The following THRSP variants were observed in gnomAD, a reference collection of about 807,000 sequenced individuals.
THRSP encodes the protein thyroid hormone responsive.
A neutral mutation model predicts 11.1 loss-of-function variants in THRSP; 9 were observed. That is an observed-to-expected ratio of 0.81 (90% CI 0.49 to 1.42). THRSP has a LOEUF of 1.42. Among genes scored for constraint, THRSP ranks in the 40% most tolerant of loss-of-function variants. THRSP has a pLI of 0.00. For missense variants in THRSP, 177 were observed against 188.2 expected (o/e 0.94, Z 0.35); for synonymous variants, 73 against 78.1 (o/e 0.94, Z 0.34).
intron 1 of THRSP, among the ~76,000 whole-genome samples, chr11:78,066,241 C>G (rs756290606): frequency 6.6e-6 from 1 of 152,204 alleles, no homozygotes; most frequent in East Asian, 1.9e-4. Flanking sequence ...AATCTCAGCT[C>G]ACTGCCACCT....
rs2136803190 is a variant in THRSP, at chr11:78,064,020, G to A, written c.139G>A (p.Gly47Ser). Residue 47 changes from glycine to serine, a missense_variant, in exon 1 of 2, where the codon GGC becomes AGC. By Grantham distance (56) the Gly-to-Ser change is moderately conservative. Coordinates refer to ENST00000281030, the MANE Select transcript of THRSP (RefSeq NM_003251.4). ...LRDVQLSGPG[G>S]QAQAEAPDLY... is the part of the protein sequence containing the mutation. The stretch of plus-strand genomic sequence containing the variant: ...GGACGTGCAGCTGAGTGGGCCTGGG[G>A]GCCAGGCCCAGGCTGAGGCCCCTGA... 6.2e-7 allele frequency: 1 copy of A among 1,613,446 alleles called. No individual in the cohort carries two copies. Among genetic ancestry groups the A allele is most frequent in the Non-Finnish European group, 8.5e-7 (1 of 1,179,814 alleles).
chr11:78,064,202 G>C lies in THRSP; in HGVS notation c.321G>C (p.Leu107=). ...AGGACGAGAGTGCCTCAGGAGAGCTGGACCTGGAAGCCCAGTTCCACCTGC... is the reference window on the plus strand; with the variant it reads ...AGGACGAGAGTGCCTCAGGAGAGCTCGACCTGGAAGCCCAGTTCCACCTGC... The part of the protein sequence containing the change: ...EVEDESASGE[L]DLEAQFHLHF... The change falls in exon 1 of 2, where the codon CTG becomes CTC. Residue 107 remains leucine, a synonymous_variant. Coordinates refer to ENST00000281030, the MANE Select transcript of THRSP (RefSeq NM_003251.4). The C allele has an allele frequency of 2.5e-6, 4 of 1,614,172 alleles. No homozygotes were observed. The highest frequency in any genetic ancestry group is 3.4e-6 in the Non-Finnish European group (4 of 1,180,036).
In THRSP at chr11:78,064,481, C is replaced by T. The variant is rs1858675014; in HGVS notation, c.*19+140C>T. ...CTCTTGGGTCAGGGTATTGGGACCA[C>T]AACCTAGGAGGGCCTAAGACTAGGC... is the stretch of plus-strand genomic sequence containing the variant. On this transcript the variant is annotated intron_variant, in intron 1 of 1. Coordinates refer to ENST00000281030, the MANE Select transcript of THRSP (RefSeq NM_003251.4). The T allele has an allele frequency of 4.1e-6, 3 of 724,698 alleles. No homozygotes were observed. In the South Asian group the frequency reaches 5.8e-5, roughly 14 times the overall value. 44.9% of individuals were successfully genotyped at this position (724,698 alleles called of 1,614,324 possible). A position where few individuals can be genotyped will look rare whatever the true frequency, so the allele number is the denominator to read the frequency against.
At chr11:78,066,938 G>A (rs1443789707) in intron 1 of THRSP, among the ~76,000 whole-genome samples, 3 of 151,228 alleles carry the variant, frequency 2.0e-5, no homozygotes, top group Non-Finnish European at 4.4e-5. Context: ...CAATTCTCCT[G>A]CCTCAGCCAC....
chr11:78,065,842 C>A (rs1858722270), intron 1 of THRSP, among the ~76,000 whole-genome samples: 1 of 152,248 alleles, frequency 6.6e-6, no homozygotes, highest in Non-Finnish European at 1.5e-5. Context: ...ATGGAGAGCT[C>A]TGCTCCAGGC....
Position 78,067,856 on chromosome 11 carries a change from A to G in THRSP, c.*217A>G, listed in dbSNP as rs1053809518. 4 of 152,140 alleles carry G rather than the reference A, an allele frequency of 2.6e-5. No individual in the cohort carries two copies. Among genetic ancestry groups the G allele is most frequent in the Admixed American group, 1.3e-4 (2 of 15,264 alleles). 9.4% of individuals were successfully genotyped at this position (152,140 alleles called of 1,614,324 possible). A position where few individuals can be genotyped will look rare whatever the true frequency, so the allele number is the denominator to read the frequency against. On this transcript the variant is annotated 3_prime_UTR_variant, in exon 2 of 2. Coordinates refer to ENST00000281030, the MANE Select transcript of THRSP (RefSeq NM_003251.4). ...ACCTTTAGAATGTCTGTTGCTATTC[A>G]CTGCTCCCCTCGCTCCTCTTAACAG...
At chr11:78,065,562 G>A (rs1354422750) in intron 1 of THRSP, among the ~76,000 whole-genome samples, 1 of 152,106 alleles carries the variant, frequency 6.6e-6, no homozygotes, top group Non-Finnish European at 1.5e-5. Context: ...CAACATCCAC[G>A]TCCATTGCAA....
At chr11:78,065,255 G>T (rs2136806286) in intron 1 of THRSP, among the ~76,000 whole-genome samples, 1 of 152,268 alleles carries the variant, frequency 6.6e-6, no homozygotes, top group East Asian at 1.9e-4. Flanking sequence ...GCAAACTGGA[G>T]TATGCAGACA....
intron 1 of THRSP, among the ~76,000 whole-genome samples, chr11:78,064,846 G>T (rs888391809): frequency 6.6e-6 from 1 of 152,014 alleles, no homozygotes; most frequent in Non-Finnish European, 1.5e-5. Flanking sequence ...AAAATTAGCT[G>T]GGCGTGGTGG....
At chr11:78,065,734 G>A (rs976915523) in intron 1 of THRSP, among the ~76,000 whole-genome samples, 15 of 152,170 alleles carry the variant, frequency 9.9e-5, no homozygotes, top group African/African-American at 2.4e-4. Context: ...TCTTTCCATC[G>A]TACCCACTGT....
At chr11:78,066,958 T>C (rs1368400149) in intron 1 of THRSP, among the ~76,000 whole-genome samples, 1 of 151,616 alleles carries the variant, frequency 6.6e-6, no homozygotes, top group Non-Finnish European at 1.5e-5. Context: ...CCCGAGTAGT[T>C]GGGACTACAG....
chr11:78,064,622 G>C (rs1209447534), intron 1 of THRSP, among the ~76,000 whole-genome samples: 1 of 152,194 alleles, frequency 6.6e-6, no homozygotes, highest in African/African-American at 2.4e-5. Flanking sequence ...GTTTGTGCAT[G>C]TGTGCATTTA....
Position 78,064,213 on chromosome 11 carries a change from CCCAGTTCCA to C in THRSP, c.335_343del (p.Gln112_His114del). The C allele has an allele frequency of 6.2e-7, 1 of 1,614,128 alleles. No individual in the cohort carries two copies. The highest frequency in any genetic ancestry group is 1.3e-5 in the African/African-American group (1 of 75,018). On this transcript the variant is annotated inframe_deletion, in exon 1 of 2. Coordinates refer to ENST00000281030, the MANE Select transcript of THRSP (RefSeq NM_003251.4). The stretch of plus-strand genomic sequence containing the variant: ...GCCTCAGGAGAGCTGGACCTGGAAG[CCCAGTTCCA>C]CCTGCACTTCTCCAGCCTCCATCAC...
At chr11:78,066,122 T>A (rs765193955) in intron 1 of THRSP, among the ~76,000 whole-genome samples, 7 of 152,250 alleles carry the variant, frequency 4.6e-5, no homozygotes, top group Non-Finnish European at 1.0e-4. Flanking sequence ...TTGAATAGTT[T>A]TAAGATCACT....
chr11:78,066,165 C>G (rs1858732710), intron 1 of THRSP, among the ~76,000 whole-genome samples: 1 of 151,786 alleles, frequency 6.6e-6, no homozygotes, highest in Admixed American at 6.6e-5. Context: ...AATTATCATC[C>G]CCCCCCACCT....
In THRSP at chr11:78,068,042, G is replaced by A. The variant is rs560067432; in HGVS notation, c.*403G>A. ...TGTACAAGTTATTTAACCCATTGGA[G>A]CCTAAATTCCCTCATCTATAAAATG... On this transcript the variant is annotated 3_prime_UTR_variant, in exon 2 of 2. Transcript: ENST00000281030. The A allele has an allele frequency of 6.6e-6, 1 of 152,274 alleles. No individual in the cohort carries two copies. The highest frequency in any genetic ancestry group is 2.1e-4 in the South Asian group (1 of 4,822). The allele number at this position is 152,274 out of a possible 1,614,324, so 9.4% of individuals were successfully genotyped here.
intron 1 of THRSP, 43 bp downstream of exon 1, chr11:78,064,384 A>G: frequency 6.6e-7 from 1 of 1,510,688 alleles, no homozygotes; most frequent in South Asian, 1.3e-5. Context: ...ACAAAGGGAC[A>G]TTCCAGGAGA....
At chr11:78,064,641 T>G (rs1385945901) in intron 1 of THRSP, among the ~76,000 whole-genome samples, 1 of 152,156 alleles carries the variant, frequency 6.6e-6, no homozygotes, top group Non-Finnish European at 1.5e-5. Flanking sequence ...TATTAGTATG[T>G]GAATGCTTGT....
intron 1 of THRSP, among the ~76,000 whole-genome samples, chr11:78,064,683 C>T (rs1858681127): frequency 6.8e-6 from 1 of 147,640 alleles, no homozygotes; most frequent in Admixed American, 7.1e-5. Flanking sequence ...GTGTTCTCAT[C>T]AGTGACTTTG....
Sources: allele counts gnomAD v4.1 joint callset (sites outside exome capture counted in the v4.1 genomes callset), GRCh38; gene constraint gnomAD v4.1.1; transcripts MANE v1.5; gene names NCBI Gene and HGNC (gene_info 2026-07-23, HGNC 2026-07-21).